Variants in SLC24A2 observed in about 807,000 individuals in gnomAD.
The protein encoded by SLC24A2 is sodium/potassium/calcium exchanger 2.
In SLC24A2, 36 loss-of-function variants were observed where a neutral mutation model predicts 62.0. The ratio of observed to expected loss-of-function variants is 0.58; its 90% CI spans 0.44 to 0.77. SLC24A2 has a LOEUF of 0.77. Among genes scored for constraint, SLC24A2 ranks in the 30% least tolerant of loss-of-function variants. The probability of loss-of-function intolerance (pLI) is 0.00; values close to 1 mark genes in which losing one functional copy is unlikely to be tolerated. For synonymous variants in SLC24A2, 358 were observed against 294.0 expected (o/e 1.22, Z -2.23); for missense variants, 846 against 817.9 (o/e 1.03, Z -0.42).
chr9:19,873,380 C>T, the SLC24A2 span, among the ~76,000 whole-genome samples: 1 of 130,726 alleles, frequency 7.6e-6, no homozygotes, highest in Non-Finnish European at 1.6e-5. Context: ...TTCTTTCTTT[C>T]TCTTTCTCTC....
chr9:19,547,529 T>C (rs1834642303), intron 8 of SLC24A2, among the ~76,000 whole-genome samples: 1 of 147,692 alleles, frequency 6.8e-6, no homozygotes, highest in South Asian at 2.1e-4. Flanking sequence ...ACAGCTTCTT[T>C]GACGTTTCAA....
At chr9:19,897,776 A>T in the SLC24A2 span, among the ~76,000 whole-genome samples, 1 of 152,186 alleles carries the variant, frequency 6.6e-6, no homozygotes. Flanking sequence ...TAATTTACTG[A>T]ACATCCTACA....
chr9:20,014,175 G>T, the SLC24A2 span, among the ~76,000 whole-genome samples: 60,932 of 151,966 alleles, frequency 0.4, 13,630 homozygotes, highest in Non-Finnish European at 0.52. Flanking sequence ...GCCACTGCAT[G>T]CCAGCCTGGG....
At chr9:19,905,896 C>T in the SLC24A2 span, among the ~76,000 whole-genome samples, 6 of 152,308 alleles carry the variant, frequency 3.9e-5, no homozygotes, top group Middle Eastern at 3.4e-3. Context: ...TAACATCCCA[C>T]TGTCAACATT....
the SLC24A2 span, among the ~76,000 whole-genome samples, chr9:20,285,589 T>C: frequency 6.6e-6 from 1 of 152,286 alleles, no homozygotes; most frequent in East Asian, 1.9e-4. Flanking sequence ...GCCACTGATA[T>C]CAGAGAGGGC....
At chr9:19,979,158 T>C in the SLC24A2 span, among the ~76,000 whole-genome samples, 1,432 of 152,298 alleles carry the variant, frequency 9.4e-3, 28 homozygotes, top group African/African-American at 0.033. Context: ...GAACCTGACA[T>C]GACAGCCTGT....
intron 2 of SLC24A2, among the ~76,000 whole-genome samples, chr9:19,722,327 G>A (rs1255640358): frequency 1.3e-5 from 2 of 152,074 alleles, no homozygotes; most frequent in Non-Finnish European, 2.9e-5. Context: ...ACTCTTCATA[G>A]CTGTTAATTG....
the SLC24A2 span, among the ~76,000 whole-genome samples, chr9:20,286,511 A>G: frequency 6.6e-6 from 1 of 152,226 alleles, no homozygotes; most frequent in Admixed American, 6.5e-5. Flanking sequence ...TTTCTCTTTT[A>G]AAAAAGGTTT....
chr9:19,593,256 T>C (rs564010599), intron 5 of SLC24A2, among the ~76,000 whole-genome samples: 26 of 152,356 alleles, frequency 1.7e-4, no homozygotes, highest in African/African-American at 6.3e-4. Context: ...TCATGAGTTC[T>C]TTAGGAGAAC....
At chr9:19,869,275 C>T in the SLC24A2 span, among the ~76,000 whole-genome samples, 2 of 152,190 alleles carry the variant, frequency 1.3e-5, no homozygotes, top group Non-Finnish European at 1.5e-5. Flanking sequence ...GCTACTGCAC[C>T]CAGTCTATTT....
At chr9:19,830,207 T>C in the SLC24A2 span, among the ~76,000 whole-genome samples, 4 of 152,216 alleles carry the variant, frequency 2.6e-5, no homozygotes, top group Non-Finnish European at 5.9e-5. Context: ...CTGGGTTTTA[T>C]GGCTAAAAGA....
At chr9:20,193,142 C>T in the SLC24A2 span, among the ~76,000 whole-genome samples, 1 of 152,130 alleles carries the variant, frequency 6.6e-6, no homozygotes, top group East Asian at 1.9e-4. Flanking sequence ...GAACAGTCCA[C>T]ATGCCTTGAT....
chr9:20,289,346 G>C, the SLC24A2 span, among the ~76,000 whole-genome samples: 1 of 152,126 alleles, frequency 6.6e-6, no homozygotes, highest in Non-Finnish European at 1.5e-5. Context: ...CACCTCACAT[G>C]CAAGAAAATT....
the SLC24A2 span, among the ~76,000 whole-genome samples, chr9:20,179,237 C>G: frequency 1.3e-5 from 2 of 152,264 alleles, no homozygotes; most frequent in Admixed American, 1.3e-4. Context: ...AACAACCACT[C>G]AGGCATATTG....
the SLC24A2 span, among the ~76,000 whole-genome samples, chr9:20,263,079 T>G: frequency 6.6e-6 from 1 of 152,348 alleles, no homozygotes; most frequent in East Asian, 1.9e-4. Context: ...AGCCTGCACC[T>G]GTGCTATCAC....
At chr9:19,805,033 A>G in the SLC24A2 span, among the ~76,000 whole-genome samples, 1 of 152,166 alleles carries the variant, frequency 6.6e-6, no homozygotes, top group Admixed American at 6.6e-5. Context: ...TGTTTTAATT[A>G]TTAAAGCTGA....
the SLC24A2 span, among the ~76,000 whole-genome samples, chr9:19,966,783 C>T: frequency 6.6e-6 from 1 of 152,082 alleles, no homozygotes; most frequent in Non-Finnish European, 1.5e-5. Flanking sequence ...TAGTGGAATG[C>T]GAATGCAATT....
At chr9:19,935,299 A>T in the SLC24A2 span, among the ~76,000 whole-genome samples, 1 of 152,042 alleles carries the variant, frequency 6.6e-6, no homozygotes, top group Admixed American at 6.6e-5. Flanking sequence ...TTGCTGGATG[A>T]TTGTTAAGCA....
At chr9:19,655,312 C>T (rs907541112) in intron 2 of SLC24A2, among the ~76,000 whole-genome samples, 1 of 152,164 alleles carries the variant, frequency 6.6e-6, no homozygotes, top group Admixed American at 6.5e-5. Flanking sequence ...TAGCCTTGGA[C>T]AGAAAACTAG....
Sources: allele counts gnomAD v4.1 joint callset (sites outside exome capture counted in the v4.1 genomes callset), GRCh38; gene constraint gnomAD v4.1.1; transcripts MANE v1.5; gene names NCBI Gene and HGNC (gene_info 2026-07-23, HGNC 2026-07-21).